The following PRKN variants were observed in gnomAD, a reference collection of about 807,000 sequenced individuals.
PRKN encodes the protein E3 ubiquitin-protein ligase parkin.
In PRKN, 56 loss-of-function variants were observed where a neutral mutation model predicts 59.5. That is an observed-to-expected ratio of 0.94 (90% CI 0.76 to 1.18). The LOEUF is 1.18. PRKN is among the 50% of genes most tolerant of loss of function. PRKN has a pLI of 0.00. For missense variants in PRKN, 657 were observed against 596.4 expected, an observed-to-expected ratio of 1.10 and a Z score of -1.06; for synonymous variants, 250 against 222.1, an observed-to-expected ratio of 1.13 and a Z score of -1.12.
At chr6:162,185,551 G>A (rs1783992530) in intron 4 of PRKN, among the ~76,000 whole-genome samples, 1 of 152,180 alleles carries the variant, frequency 6.6e-6, no homozygotes, top group Non-Finnish European at 1.5e-5. Context: ...TTCATTATAA[G>A]TGATTTCAAA....
chr6:162,664,473 T>C (rs1464080203), intron 1 of PRKN, among the ~76,000 whole-genome samples: 3 of 152,192 alleles, frequency 2.0e-5, no homozygotes, highest in Admixed American at 6.5e-5. Context: ...CACCATACTG[T>C]CTTCCACAAC....
At chr6:162,677,063 C>CAAAAAA (rs536705591) in intron 1 of PRKN, among the ~76,000 whole-genome samples, 4 of 90,262 alleles carry the variant, frequency 4.4e-5, no homozygotes, top group Non-Finnish European at 8.7e-5. Flanking sequence ...ACATCTCAAT[C>CAAAAAA]AAAAAAAAAA....
At chr6:161,594,918 G>A (rs1781859527) in intron 7 of PRKN, among the ~76,000 whole-genome samples, 1 of 152,190 alleles carries the variant, frequency 6.6e-6, no homozygotes, top group Non-Finnish European at 1.5e-5. Flanking sequence ...ATAGGCAGAA[G>A]CAGGGATACC....
At chr6:161,589,334 C>A (rs1781631481) in intron 7 of PRKN, among the ~76,000 whole-genome samples, 1 of 152,172 alleles carries the variant, frequency 6.6e-6, no homozygotes, top group Non-Finnish European at 1.5e-5. Context: ...AAAGCCCTCA[C>A]CTCACTCCAC....
In PRKN at chr6:162,472,573, C is replaced by T. The variant is rs1791809460; in HGVS notation, c.8-29100G>A. ...CGCAATCTCGGCTCACTGCAAGCTCCGCTTCCCGGGTTCACGCCATTCTCC... is the reference window on the plus strand; with the variant it reads ...CGCAATCTCGGCTCACTGCAAGCTCTGCTTCCCGGGTTCACGCCATTCTCC... On this transcript the variant is annotated intron_variant, in intron 1 of 11. Transcript: ENST00000366898. 1.6e-5 allele frequency among the ~76,000 whole-genome samples: 2 copies of T among 128,396 alleles called. 1 individual carries two copies. Among genetic ancestry groups the T allele is most frequent in the Non-Finnish European group, 3.4e-5 (2 of 59,038 alleles). 84.2% of individuals were successfully genotyped at this position (128,396 alleles called of 152,430 possible).
Position 161,770,593 on chromosome 6 carries a change from G to A in PRKN, c.871+15179C>T, listed in dbSNP as rs553109661. Among the ~76,000 whole-genome samples, 17 of 151,926 alleles carry A rather than the reference G, an allele frequency of 1.1e-4. No homozygotes were observed. The East Asian group carries it at 2.7e-3, about 24-fold the overall frequency. ...AGTGATTCTCCTGCCTCAGCCTCCC[G>A]AGTAGCTGGGATTACAGGCGTGCAC... is the stretch of plus-strand genomic sequence containing the variant. On this transcript the variant is annotated intron_variant, in intron 7 of 11. Transcript: ENST00000366898.
rs1240630888 is a variant in PRKN, at chr6:162,021,150, A to G, written c.618+32941T>C. On this transcript the variant is annotated intron_variant, in intron 5 of 11. Transcript: ENST00000366898. ...TATATATATATATATATATATATAT[A>G]TATATATATATATATAAAATATATG... is the stretch of plus-strand genomic sequence containing the variant. Among the ~76,000 whole-genome samples the G allele has an allele frequency of 3.7e-4, 6 of 16,052 alleles. 1 individual carries two copies. Among genetic ancestry groups the G allele is most frequent in the Non-Finnish European group, 7.6e-4 (6 of 7,916 alleles). The allele number at this position is 16,052 out of a possible 152,430, so 10.5% of individuals were successfully genotyped here. A position where few individuals can be genotyped will look rare whatever the true frequency, so the allele number is the denominator to read the frequency against.
chr6:162,727,338 A>AAGGTGAGGGGCGGCGGCGGGGCGC, intron 1 of PRKN: 3 of 378,498 alleles, frequency 7.9e-6, no homozygotes, highest in East Asian at 4.8e-5. Flanking sequence ...CGGCGGGGAG[A>AAGGTGAGGGGCGGCGGCGGGGCGC]AGGCTTCGGG....
At chr6:162,250,391 G>T (rs1481454305) in intron 3 of PRKN, among the ~76,000 whole-genome samples, 1 of 152,082 alleles carries the variant, frequency 6.6e-6, no homozygotes, top group African/African-American at 2.4e-5. Context: ...CAAAGTCAAT[G>T]GTTTAATATC....
At chr6:162,424,778 C>T (rs148950647) in intron 2 of PRKN, among the ~76,000 whole-genome samples, 3 of 151,040 alleles carry the variant, frequency 2.0e-5, no homozygotes, top group African/African-American at 2.4e-5. Context: ...GTACCACTGG[C>T]GGATGGGGGT....
In PRKN at chr6:161,964,033, T is replaced by C. The variant is rs73026531; in HGVS notation, c.734+9269A>G. 2.3e-3 allele frequency among the ~76,000 whole-genome samples: 349 copies of C among 152,156 alleles called. 1 individual carries two copies. Among genetic ancestry groups the C allele is most frequent in the Non-Finnish European group, 3.2e-3 (220 of 68,034 alleles). ...TCACTTTACTGCTACATTCTCCTTT[T>C]CACATGCAAATCCACCTTCCGGCCT... is the stretch of plus-strand genomic sequence containing the variant. On this transcript the variant is annotated intron_variant, in intron 6 of 11. Transcript: ENST00000366898.
intron 6 of PRKN, among the ~76,000 whole-genome samples, chr6:161,883,915 G>T (rs148720668): frequency 0.02 from 3,076 of 152,110 alleles, 112 homozygotes; most frequent in African/African-American, 0.07. Context: ...GGCCTCCCAA[G>T]GTGCTGGGAT....
At chr6:161,398,241 C>G (rs955427586) in intron 9 of PRKN, among the ~76,000 whole-genome samples, 1 of 152,072 alleles carries the variant, frequency 6.6e-6, no homozygotes, top group Non-Finnish European at 1.5e-5. Context: ...AGGAGAGTCA[C>G]AGATAGAGAG....
At position 161,432,012 on chromosome 6, in the gene PRKN, TCTTA is replaced by T. The variant is rs900961786; in HGVS notation, c.1084-45139_1084-45136del. 3.6e-4 allele frequency among the ~76,000 whole-genome samples: 55 copies of T among 152,362 alleles called. 1 individual carries two copies. Among genetic ancestry groups the T allele is most frequent in the African/African-American group, 1.1e-3 (44 of 41,582 alleles). On this transcript the variant is annotated intron_variant, in intron 9 of 11. Coordinates refer to ENST00000366898, the MANE Select transcript of PRKN (RefSeq NM_004562.3). ...AAGTTATTTCTCTTTATTACATGACTCTTACTTAATTATTCACAGATGCCAAACA... is the reference window on the plus strand; with the variant it reads ...AAGTTATTTCTCTTTATTACATGACTCTTAATTATTCACAGATGCCAAACA...
At chr6:162,568,504 T>C (rs1156892782) in intron 1 of PRKN, 1 of 692,236 alleles carries the variant, frequency 1.4e-6, no homozygotes, top group Non-Finnish European at 2.6e-6. Flanking sequence ...ACCGCCGTTG[T>C]GGTCAACCAG....
At chr6:162,266,298 T>TTGTGTGTGTG (rs60841593) in intron 2 of PRKN, among the ~76,000 whole-genome samples, 43 of 146,090 alleles carry the variant, frequency 2.9e-4, no homozygotes, top group African/African-American at 4.8e-4. Context: ...TACATATATA[T>TTGTGTGTGTG]TGTGTGTGTG....
intron 6 of PRKN, among the ~76,000 whole-genome samples, chr6:161,896,628 C>T (rs1052184346): frequency 2.0e-5 from 3 of 152,022 alleles, no homozygotes; most frequent in Admixed American, 6.6e-5. Context: ...CTAATGGCGA[C>T]GGGAGGAGCT....
At chr6:162,312,294 C>T (rs1583358467) in intron 2 of PRKN, among the ~76,000 whole-genome samples, 1 of 152,078 alleles carries the variant, frequency 6.6e-6, no homozygotes, top group Admixed American at 6.6e-5. Context: ...GACTTGCTGG[C>T]CTTTGTTTCC....
In PRKN at chr6:161,963,319, G is replaced by A. The variant is rs539966136; in HGVS notation, c.734+9983C>T. On this transcript the variant is annotated intron_variant, in intron 6 of 11. Coordinates refer to ENST00000366898, the MANE Select transcript of PRKN (RefSeq NM_004562.3). ...CCAGCGGGGGTTGCTGCGCACCTGC[G>A]GTGACAGTTAAATGAAAAGGTAAGG... 2.2e-4 allele frequency among the ~76,000 whole-genome samples: 33 copies of A among 152,282 alleles called. 1 individual carries two copies. In the East Asian group the frequency reaches 3.9e-3, roughly 18 times the overall value.
Sources: gnomAD v4.1 joint callset for allele counts (sites outside exome capture counted in the v4.1 genomes callset) on GRCh38, gnomAD v4.1.1 for gene constraint, MANE v1.5 for transcripts, NCBI Gene and HGNC (gene_info 2026-07-23, HGNC 2026-07-21) for gene names.